The following FBXO36 variants were observed in gnomAD, a reference collection of about 807,000 sequenced individuals.
FBXO36 encodes F-box protein 36, also known as F-box only protein 36.
In FBXO36, 18 loss-of-function variants were observed where a neutral mutation model predicts 17.0. The ratio of observed to expected loss-of-function variants is 1.06; its 90% CI spans 0.73 to 1.57. The LOEUF (loss-of-function observed/expected upper bound fraction) is 1.57. Ranked by LOEUF, FBXO36 falls within the 40% of genes most tolerant of loss-of-function variation. The pLI is 0.00. For synonymous variants in FBXO36, 83 were observed against 85.3 expected (o/e 0.97, Z 0.15); for missense variants, 229 against 221.9 (o/e 1.03, Z -0.20).
chr2:229,922,653 T>A (rs1447829972), intron 1 of FBXO36, 44 bp downstream of exon 1: 1 of 1,594,524 alleles, frequency 6.3e-7, no homozygotes, highest in South Asian at 1.1e-5. Context: ...ACTCCCTACC[T>A]GGCCCGGTTG....
chr2:229,941,554 C>G (rs898581399), intron 1 of FBXO36, among the ~76,000 whole-genome samples: 2 of 150,654 alleles, frequency 1.3e-5, no homozygotes, highest in African/African-American at 4.9e-5. Flanking sequence ...AGAGGAAGCT[C>G]GAAGTGGCCA....
At chr2:229,965,976 C>A (rs1250124708) in intron 1 of FBXO36, among the ~76,000 whole-genome samples, 1 of 152,210 alleles carries the variant, frequency 6.6e-6, no homozygotes, top group Non-Finnish European at 1.5e-5. Context: ...AATGGTTGAA[C>A]TAGTTTACAG....
chr2:229,994,833 TG>T, intron 2 of FBXO36, among the ~76,000 whole-genome samples: 1 of 152,218 alleles, frequency 6.6e-6, no homozygotes, highest in South Asian at 2.1e-4. Context: ...GAGGTAGTCT[TG>T]GCCGGGCATG....
rs147952320 is a variant in FBXO36, at chr2:229,992,129, C to T, written c.206-4622C>T. Among the ~76,000 whole-genome samples the T allele has an allele frequency of 3.4e-3, 514 of 151,892 alleles. 2 individuals carry two copies. Among genetic ancestry groups the T allele is most frequent in the African/African-American group, 0.01 (420 of 41,468 alleles). On this transcript the variant is annotated intron_variant, in intron 2 of 3. Coordinates refer to ENST00000283946, the MANE Select transcript of FBXO36 (RefSeq NM_174899.5). Reference sequence around the variant, plus strand: ...CTTGGACATTTCCTTAGCTAAATGGCACAACCCATAAGTTGCATTTTTTTC... The same window carrying T: ...CTTGGACATTTCCTTAGCTAAATGGTACAACCCATAAGTTGCATTTTTTTC...
At chr2:229,987,459 T>C (rs915316859) in intron 2 of FBXO36, among the ~76,000 whole-genome samples, 3 of 152,112 alleles carry the variant, frequency 2.0e-5, no homozygotes, top group African/African-American at 7.2e-5. Context: ...ATTCATTAAC[T>C]TTTTTCATAG....
chr2:229,922,630 A>G (rs2076770182), intron 1 of FBXO36, 21 bp downstream of exon 1: 1 of 1,612,270 alleles, frequency 6.2e-7, no homozygotes, highest in Admixed American at 1.7e-5. Context: ...GCCGCGGTTT[A>G]CCCTCTCTCC....
chr2:229,923,637 A>G (rs1288247833), intron 1 of FBXO36, among the ~76,000 whole-genome samples: 1 of 151,670 alleles, frequency 6.6e-6, no homozygotes, highest in East Asian at 1.9e-4. Context: ...TTAATTTAAG[A>G]TTTAGAAATA....
chr2:230,006,811 T>C (rs1046060313), intron 3 of FBXO36, among the ~76,000 whole-genome samples: 1 of 152,142 alleles, frequency 6.6e-6, no homozygotes, highest in African/African-American at 2.4e-5. Flanking sequence ...CCTGACGCCG[T>C]AGTATCGCTT....
intron 1 of FBXO36, among the ~76,000 whole-genome samples, chr2:229,925,713 C>T (rs890774515): frequency 1.3e-5 from 2 of 152,120 alleles, no homozygotes; most frequent in Non-Finnish European, 2.9e-5. Flanking sequence ...GCAGATATTT[C>T]TCTCATTAGT....
At chr2:229,951,020 G>A (rs921677647) in intron 1 of FBXO36, among the ~76,000 whole-genome samples, 1 of 152,062 alleles carries the variant, frequency 6.6e-6, no homozygotes, top group Non-Finnish European at 1.5e-5. Flanking sequence ...TGCAACCTCC[G>A]CCTCCTGGGT....
intron 2 of FBXO36, among the ~76,000 whole-genome samples, chr2:229,990,308 A>G (rs1354870649): frequency 6.6e-6 from 1 of 150,706 alleles, no homozygotes; most frequent in East Asian, 1.9e-4. Flanking sequence ...GTACCTGGCA[A>G]ATATTGAAGA....
rs997447426 is a variant in FBXO36 at position 229,923,672 on chromosome 2, C to CA, written c.96+1071dup. On this transcript the variant is annotated intron_variant, in intron 1 of 3. Transcript: ENST00000283946. The stretch of plus-strand genomic sequence containing the variant: ...ATTACAAATGTAAAATCAGCCTGTC[C>CA]AAAAAAAATTTTTTTTAAAACAGTA... Among the ~76,000 whole-genome samples, 10 of 151,168 alleles carry CA rather than the reference C, an allele frequency of 6.6e-5. No homozygotes were observed. The East Asian group carries it at 9.7e-4, about 15-fold the overall frequency.
chr2:229,979,637 G>T (rs927953427), intron 2 of FBXO36, among the ~76,000 whole-genome samples: 3 of 151,686 alleles, frequency 2.0e-5, no homozygotes, highest in Non-Finnish European at 4.4e-5. Context: ...AAAATTAGCC[G>T]GGTGTGGTTG....
chr2:229,932,520 C>CA lies in FBXO36; in HGVS notation c.96+9921dup, dbSNP rs894470157. Among the ~76,000 whole-genome samples the CA allele has an allele frequency of 3.9e-4, 57 of 146,476 alleles. 1 individual carries two copies. The highest frequency in any genetic ancestry group is 1.3e-3 in the African/African-American group (53 of 39,860). On this transcript the variant is annotated intron_variant, in intron 1 of 3. Coordinates refer to ENST00000283946, the MANE Select transcript of FBXO36 (RefSeq NM_174899.5). ...AGGCAAGAAGAGTGAAACTTTGTCT[C>CA]AAAAAAAAAATTAGCTGGATATGGT...
intron 2 of FBXO36, among the ~76,000 whole-genome samples, chr2:229,978,896 G>A (rs988033652): frequency 6.6e-6 from 1 of 152,060 alleles, no homozygotes; most frequent in African/African-American, 2.4e-5. Flanking sequence ...CATTATTTAG[G>A]CCGAGCACAG....
At chr2:229,985,781 G>T (rs2077265003) in intron 2 of FBXO36, among the ~76,000 whole-genome samples, 1 of 152,170 alleles carries the variant, frequency 6.6e-6, no homozygotes, top group Admixed American at 6.5e-5. Flanking sequence ...AAGCACTGTG[G>T]CTCATGCCTG....
At chr2:229,955,507 C>A (rs1465858997) in intron 1 of FBXO36, among the ~76,000 whole-genome samples, 2 of 151,360 alleles carry the variant, frequency 1.3e-5, no homozygotes, top group African/African-American at 2.4e-5. Flanking sequence ...CAGAGTGAGA[C>A]CCCGTCTCAG....
At chr2:229,974,438 G>A (rs911813257) in intron 1 of FBXO36, among the ~76,000 whole-genome samples, 1 of 152,222 alleles carries the variant, frequency 6.6e-6, no homozygotes. Context: ...GGCAAGCACT[G>A]CAGATGTTGC....
intron 1 of FBXO36, among the ~76,000 whole-genome samples, chr2:229,953,821 G>T (rs1205635386): frequency 6.6e-6 from 1 of 151,974 alleles, no homozygotes; most frequent in South Asian, 2.1e-4. Flanking sequence ...AAAATTTAAA[G>T]TATTGAAAGC....
Sources: allele counts gnomAD v4.1 joint callset (sites outside exome capture counted in the v4.1 genomes callset), GRCh38; gene constraint gnomAD v4.1.1; transcripts MANE v1.5; gene names NCBI Gene and HGNC (gene_info 2026-07-23, HGNC 2026-07-21).